The following GALNT13 variants were observed in gnomAD, a reference collection of about 807,000 sequenced individuals.
GALNT13 encodes UDP-GalNAc:polypeptide N-acetylgalactosaminyltransferase 13.
GALNT13 carries 28 observed loss-of-function variants against 64.2 expected under a neutral mutation model. The ratio of observed to expected loss-of-function variants is 0.44; its 90% CI spans 0.32 to 0.60. GALNT13 has a LOEUF of 0.60. GALNT13 is among the 20% of genes least tolerant of loss of function. The pLI, the probability that GALNT13 is intolerant of heterozygous loss-of-function variation, is 0.05. For synonymous variants in GALNT13, 214 were observed against 224.6 expected (o/e 0.95, Z 0.42); for missense variants, 577 against 669.8 (o/e 0.86, Z 1.53).
Position 154,402,277 on chromosome 2 carries a change from A to G in GALNT13, c.1296+6147A>G, listed in dbSNP as rs150211553. 3.3e-3 allele frequency among the ~76,000 whole-genome samples: 502 copies of G among 152,294 alleles called. 1 individual carries two copies. The highest frequency in any genetic ancestry group is 0.011 in the African/African-American group (472 of 41,566). ...GCAGTATATATCTCTCTCTTTTAGA[A>G]ATGGAATTCTCATTGCTACTTGCTT... On this transcript the variant is annotated intron_variant, in intron 10 of 12. Coordinates refer to ENST00000392825, the MANE Select transcript of GALNT13 (RefSeq NM_052917.4).
rs79411158 is a variant in GALNT13 at position 153,942,581 on chromosome 2, A to G, written c.-104-1813A>G. On this transcript the variant is annotated intron_variant, in intron 2 of 12. Transcript: ENST00000392825. ...TTTCCAATATTTAGCTATCATTTTT[A>G]TAGAAAATTAAAGTGGAAATGAAAC... 4.0e-3 allele frequency among the ~76,000 whole-genome samples: 604 copies of G among 152,174 alleles called. 12 individuals are homozygous for G. Among genetic ancestry groups the G allele is most frequent in the East Asian group, 3.9e-3 (20 of 5,180 alleles).
At chr2:154,362,216 T>C (rs1467410172) in intron 9 of GALNT13, among the ~76,000 whole-genome samples, 1 of 151,960 alleles carries the variant, frequency 6.6e-6, no homozygotes, top group Non-Finnish European at 1.5e-5. Context: ...TTTCAGAGTG[T>C]AAAAAATGAT....
At chr2:154,172,536 C>T (rs1007590505) in intron 4 of GALNT13, among the ~76,000 whole-genome samples, 3 of 151,898 alleles carry the variant, frequency 2.0e-5, no homozygotes, top group East Asian at 1.9e-4. Flanking sequence ...AGTGAGAACA[C>T]GTAGTATTTA....
chr2:154,389,699 G>A (rs1012100574), intron 9 of GALNT13, among the ~76,000 whole-genome samples: 2 of 152,180 alleles, frequency 1.3e-5, no homozygotes, highest in Non-Finnish European at 2.9e-5. Context: ...CTGAGACAAT[G>A]AGTATTGCCA....
intron 8 of GALNT13, among the ~76,000 whole-genome samples, chr2:154,290,336 T>G (rs1692531374): frequency 6.6e-6 from 1 of 152,136 alleles, no homozygotes; most frequent in East Asian, 1.9e-4. Context: ...TTGCAGAAAT[T>G]TATCTCAAAA....
intron 11 of GALNT13, among the ~76,000 whole-genome samples, chr2:154,425,708 G>A (rs1290685416): frequency 6.6e-6 from 1 of 152,162 alleles, no homozygotes; most frequent in African/African-American, 2.4e-5. Context: ...AATAGTGGGA[G>A]AAATTCTTAC....
At chr2:153,403,863 A>T in the GALNT13 span, among the ~76,000 whole-genome samples, 1 of 152,156 alleles carries the variant, frequency 6.6e-6, no homozygotes, top group Non-Finnish European at 1.5e-5. Flanking sequence ...GGTACCTCAG[A>T]TGGAAATGCA....
At chr2:153,247,408 G>GT in the GALNT13 span, among the ~76,000 whole-genome samples, 1 of 152,168 alleles carries the variant, frequency 6.6e-6, no homozygotes, top group Non-Finnish European at 1.5e-5. Flanking sequence ...CTCAGCAAAT[G>GT]CAAAAGAATG....
At chr2:153,860,656 G>T in the GALNT13 span, among the ~76,000 whole-genome samples, 1 of 152,120 alleles carries the variant, frequency 6.6e-6, no homozygotes, top group Non-Finnish European at 1.5e-5. Context: ...CTACAAAGTG[G>T]TTATATAGGA....
At chr2:154,295,460 T>C (rs1692870456) in intron 8 of GALNT13, among the ~76,000 whole-genome samples, 1 of 151,576 alleles carries the variant, frequency 6.6e-6, no homozygotes, top group Non-Finnish European at 1.5e-5. Context: ...GCCTCCCGGG[T>C]TCAAGTGATT....
chr2:153,612,632 C>CAAAAAAA, the GALNT13 span, among the ~76,000 whole-genome samples: 1 of 151,018 alleles, frequency 6.6e-6, no homozygotes, highest in Non-Finnish European at 1.5e-5. Context: ...AATAAGAAAA[C>CAAAAAAA]AAAGAAAAAA....
At chr2:153,876,618 G>A (rs1448986514) in intron 1 of GALNT13, among the ~76,000 whole-genome samples, 1 of 152,066 alleles carries the variant, frequency 6.6e-6, no homozygotes, top group Non-Finnish European at 1.5e-5. Context: ...TGTGTTTTCA[G>A]TGTAGTGTAT....
chr2:154,151,973 T>A (rs140446383), intron 4 of GALNT13, among the ~76,000 whole-genome samples: 19,761 of 152,068 alleles, frequency 0.13, 1,418 homozygotes, highest in South Asian at 0.22. Context: ...TCCTGTCATT[T>A]TGATGTTAGC....
At chr2:154,134,628 T>C (rs941717734) in intron 3 of GALNT13, among the ~76,000 whole-genome samples, 3 of 152,192 alleles carry the variant, frequency 2.0e-5, no homozygotes, top group Non-Finnish European at 4.4e-5. Flanking sequence ...TTTGCACCCA[T>C]TAGAAAATAA....
At chr2:153,882,944 A>G (rs991945181) in intron 1 of GALNT13, among the ~76,000 whole-genome samples, 2 of 151,328 alleles carry the variant, frequency 1.3e-5, no homozygotes, top group African/African-American at 2.4e-5. Flanking sequence ...GCAACATGAA[A>G]AATAAAGAGA....
the GALNT13 span, among the ~76,000 whole-genome samples, chr2:153,174,740 C>T: frequency 2.0e-5 from 3 of 152,162 alleles, no homozygotes; most frequent in Non-Finnish European, 4.4e-5. Flanking sequence ...ACAAGAATCA[C>T]ATTTCCTCTA....
chr2:153,234,451 C>T, the GALNT13 span, among the ~76,000 whole-genome samples: 1 of 152,072 alleles, frequency 6.6e-6, no homozygotes, highest in Non-Finnish European at 1.5e-5. Flanking sequence ...GCTGGTCCCA[C>T]CTTTATGGGT....
the GALNT13 span, among the ~76,000 whole-genome samples, chr2:153,178,033 G>C: frequency 6.6e-6 from 1 of 152,118 alleles, no homozygotes; most frequent in Non-Finnish European, 1.5e-5. Flanking sequence ...TGTCACAAAT[G>C]ACAAGATTTC....
intron 11 of GALNT13, among the ~76,000 whole-genome samples, chr2:154,419,281 C>G (rs1309200060): frequency 6.6e-6 from 1 of 152,102 alleles, no homozygotes; most frequent in East Asian, 1.9e-4. Flanking sequence ...ACAGTGTTTT[C>G]TAGCATAGAA....
Sources: gnomAD v4.1 joint callset for allele counts (sites outside exome capture counted in the v4.1 genomes callset) on GRCh38, gnomAD v4.1.1 for gene constraint, MANE v1.5 for transcripts, NCBI Gene and HGNC (gene_info 2026-07-23, HGNC 2026-07-21) for gene names.